Variants in RPS6KA2 observed in about 807,000 individuals in gnomAD.
RPS6KA2 encodes ribosomal protein S6 kinase alpha-2.
RPS6KA2 carries 42 observed loss-of-function variants against 91.8 expected under a neutral mutation model. That is an observed-to-expected ratio of 0.46 (90% CI 0.36 to 0.59). The LOEUF (loss-of-function observed/expected upper bound fraction) is 0.59. RPS6KA2 is among the 20% of genes least tolerant of loss of function. The pLI is 0.00. For missense variants in RPS6KA2, 798 were observed against 978.5 expected, an observed-to-expected ratio of 0.82 and a Z score of 2.46; for synonymous variants, 414 against 393.6, an observed-to-expected ratio of 1.05 and a Z score of -0.61.
chr6:166,815,630 C>A (rs936584918), intron 2 of RPS6KA2, among the ~76,000 whole-genome samples: 1 of 152,160 alleles, frequency 6.6e-6, no homozygotes, highest in Admixed American at 6.6e-5. Flanking sequence ...CCTCTCTTCT[C>A]CCCAGTATGC....
intron 2 of RPS6KA2, among the ~76,000 whole-genome samples, chr6:166,717,308 C>G (rs1790040447): frequency 6.6e-6 from 1 of 152,170 alleles, no homozygotes; most frequent in Admixed American, 6.5e-5. Context: ...TTCCCCGCAA[C>G]AGAGAGCTGC....
At chr6:166,810,541 T>A (rs979267249) in intron 2 of RPS6KA2, among the ~76,000 whole-genome samples, 1 of 152,146 alleles carries the variant, frequency 6.6e-6, no homozygotes, top group Non-Finnish European at 1.5e-5. Flanking sequence ...AAAAAAAGTA[T>A]CTTAAATAGC....
At chr6:166,694,844 G>A (rs530049310) in intron 2 of RPS6KA2, among the ~76,000 whole-genome samples, 1 of 152,322 alleles carries the variant, frequency 6.6e-6, no homozygotes, top group Admixed American at 6.5e-5. Context: ...AATATTGATT[G>A]AGCATGCTTG....
Position 166,757,842 on chromosome 6 carries a change from A to C in RPS6KA2, c.123+100358T>G, listed in dbSNP as rs1390425819. The C allele has an allele frequency of 1.3e-5, 4 of 301,664 alleles. No individual in the cohort carries two copies. In the Admixed American group the frequency reaches 1.9e-4, roughly 14 times the overall value. The allele number at this position is 301,664 out of a possible 1,614,324, so 18.7% of individuals were successfully genotyped here. On this transcript the variant is annotated intron_variant, in intron 2 of 21. Transcript: ENST00000503859. Reference sequence around the variant, plus strand: ...CAAAACCCCCGCTTTGCAAACTCAGAAGCAAAGGAGAGAAGCTGAGAAAAC... The same window carrying C: ...CAAAACCCCCGCTTTGCAAACTCAGCAGCAAAGGAGAGAAGCTGAGAAAAC...
intron 1 of RPS6KA2, among the ~76,000 whole-genome samples, chr6:166,561,161 C>A (rs368404892): frequency 6.6e-6 from 1 of 151,988 alleles, no homozygotes; most frequent in Non-Finnish European, 1.5e-5. Flanking sequence ...CTTGTGCACA[C>A]ACACTCCCCC....
At chr6:166,506,342 T>C (rs991969682) in intron 5 of RPS6KA2, among the ~76,000 whole-genome samples, 16 of 152,162 alleles carry the variant, frequency 1.1e-4, no homozygotes, top group Non-Finnish European at 2.1e-4. Flanking sequence ...TACTGTTGTC[T>C]TTTTGGTCAG....
chr6:166,801,278 A>C lies in RPS6KA2; in HGVS notation c.123+56922T>G, dbSNP rs574723656. ...TCCAGGGAGAAAAGAAACACAGCTA[A>C]GTAAAAGCGGAGGAGGTGGGGAGAG... On this transcript the variant is annotated intron_variant, in intron 2 of 21. Transcript: ENST00000503859. Among the ~76,000 whole-genome samples the C allele has an allele frequency of 4.7e-4, 71 of 152,378 alleles. 1 individual carries two copies. The highest frequency in any genetic ancestry group is 1.7e-3 in the African/African-American group (70 of 41,590).
At position 166,737,086 on chromosome 6, in the gene RPS6KA2, T is replaced by C. The variant is rs1018377711; in HGVS notation, c.123+121114A>G. On this transcript the variant is annotated intron_variant, in intron 2 of 21. Coordinates refer to the RPS6KA2 transcript ENST00000503859. This position sits in a 1 kb window ranked among gnomAD's most constrained non-coding sequence, Gnocchi z 4.3. ...ACGCTTTTTTACAGACGCAAAAAGATAGATGCACATTCTTTGTCAACTGTC... is the reference window on the plus strand; with the variant it reads ...ACGCTTTTTTACAGACGCAAAAAGACAGATGCACATTCTTTGTCAACTGTC... Among the ~76,000 whole-genome samples the C allele has an allele frequency of 2.6e-5, 4 of 152,190 alleles. No individual in the cohort carries two copies. Among genetic ancestry groups the C allele is most frequent in the Admixed American group, 6.5e-5 (1 of 15,282 alleles).
Position 166,435,994 on chromosome 6 carries a change from T to TTCA in RPS6KA2, c.1333-3507_1333-3505dup, listed in dbSNP as rs2128447757. On this transcript the variant is annotated intron_variant, in intron 14 of 20. Coordinates refer to ENST00000265678, the MANE Select transcript of RPS6KA2 (RefSeq NM_021135.6). The surrounding 1 kb of genome is among the most constrained non-coding windows in gnomAD (Gnocchi z 4.3). ...CTGGGCCTCTCTACACCTAGCTTTC[T>TTCA]TCATCTGTAAAACTAGAAAACACCA... 6.6e-6 allele frequency among the ~76,000 whole-genome samples: 1 copy of TTCA among 152,326 alleles called. No homozygotes were observed. The highest frequency in any genetic ancestry group is 2.1e-4 in the South Asian group (1 of 4,826).
intron 2 of RPS6KA2, among the ~76,000 whole-genome samples, chr6:166,787,622 A>G (rs1307598830): frequency 6.6e-6 from 1 of 152,130 alleles, no homozygotes; most frequent in Non-Finnish European, 1.5e-5. Flanking sequence ...ACTAGCCATA[A>G]GCAGAAAACT....
intron 1 of RPS6KA2, among the ~76,000 whole-genome samples, chr6:166,544,227 T>A (rs1189930999): frequency 2.0e-5 from 3 of 152,262 alleles, no homozygotes; most frequent in Admixed American, 1.3e-4. Context: ...CCACATGTAG[T>A]CTACCACGCC....
chr6:166,776,285 G>A (rs182510700), intron 2 of RPS6KA2, among the ~76,000 whole-genome samples: 20 of 152,290 alleles, frequency 1.3e-4, no homozygotes, highest in African/African-American at 4.3e-4. Context: ...AAGAAGGAAG[G>A]ATTAACCCAC....
intron 1 of RPS6KA2, among the ~76,000 whole-genome samples, chr6:166,594,723 A>G (rs1487991162): frequency 6.6e-6 from 1 of 152,204 alleles, no homozygotes; most frequent in Non-Finnish European, 1.5e-5. Flanking sequence ...CGGCCTCCCA[A>G]AGTGCTGGGA....
At chr6:166,694,832 G>A (rs184430926) in intron 2 of RPS6KA2, among the ~76,000 whole-genome samples, 2 of 152,304 alleles carry the variant, frequency 1.3e-5, no homozygotes, top group Non-Finnish European at 2.9e-5. Flanking sequence ...ATTCATTTAA[G>A]AAATATTGAT....
chr6:166,729,064 A>C (rs1790433261), intron 2 of RPS6KA2, among the ~76,000 whole-genome samples: 1 of 152,308 alleles, frequency 6.6e-6, no homozygotes, highest in Non-Finnish European at 1.5e-5. Context: ...ACCCCACAGC[A>C]GGTGTGCCAG....
intron 2 of RPS6KA2, among the ~76,000 whole-genome samples, chr6:166,823,445 GTGTGT>G (rs1459120493): frequency 1.4e-5 from 2 of 147,054 alleles, no homozygotes; most frequent in African/African-American, 5.2e-5. Flanking sequence ...GTGTGTGTGT[GTGTGT>G]GTGTGTGTGT....
chr6:166,657,376 C>T (rs1040346187), intron 2 of RPS6KA2, among the ~76,000 whole-genome samples: 11 of 151,412 alleles, frequency 7.3e-5, no homozygotes, highest in African/African-American at 1.5e-4. Context: ...TAAACAGATA[C>T]GAGAGAAAAG....
At position 166,423,276 on chromosome 6, in the gene RPS6KA2, C is replaced by T; in HGVS notation, c.1723G>A (p.Ala575Thr). 6.2e-7 allele frequency: 1 copy of T among 1,612,066 alleles called. No individual in the cohort carries two copies. Among genetic ancestry groups the T allele is most frequent in the Non-Finnish European group, 8.5e-7 (1 of 1,178,502 alleles). Residue 575 changes from alanine (A) to threonine (T), a missense_variant, in exon 17 of 21, where the codon GCC (alanine) becomes ACC (threonine). Physicochemically the swap from Ala to Thr is moderately conservative, Grantham distance 58. Coordinates refer to ENST00000265678, the MANE Select transcript of RPS6KA2 (RefSeq NM_021135.6). This position sits in a 1 kb window ranked among gnomAD's most constrained non-coding sequence, Gnocchi z 4.8. The stretch of plus-strand genomic sequence containing the variant: ...CTCACCTCCGGGGCCACGAAATTGG[C>T]CGTGTAGCAGGGTGTCATGAGCAGC... ...NGLLMTPCYT[A>T]NFVAPEVLKR...
At chr6:166,456,146 G>A (rs990178398) in intron 12 of RPS6KA2, among the ~76,000 whole-genome samples, 2 of 152,136 alleles carry the variant, frequency 1.3e-5, no homozygotes, top group Non-Finnish European at 2.9e-5. Flanking sequence ...ACAACCTTCC[G>A]TGGCCAGAGA....
Sources: allele counts gnomAD v4.1 joint callset (sites outside exome capture counted in the v4.1 genomes callset), GRCh38; gene constraint gnomAD v4.1.1; non-coding constraint Gnocchi (gnomAD v3.1); transcripts MANE v1.5; gene names NCBI Gene and HGNC (gene_info 2026-07-23, HGNC 2026-07-21).